ZCWPW2: variants seen among roughly 807,000 people sequenced by gnomAD.
The protein encoded by ZCWPW2 is zinc finger CW-type and PWWP domain containing 2.
In ZCWPW2, 45 loss-of-function variants were observed where a neutral mutation model predicts 46.6. The ratio of observed to expected loss-of-function variants is 0.96; its 90% confidence interval spans 0.76 to 1.24. The LOEUF (loss-of-function observed/expected upper bound fraction) is 1.24. Among genes scored for constraint, ZCWPW2 ranks in the 50% most tolerant of loss-of-function variants. ZCWPW2 has a pLI of 0.00. For synonymous variants in ZCWPW2, 152 were observed against 137.1 expected (o/e 1.11, Z -0.76); for missense variants, 429 against 403.9 (o/e 1.06, Z -0.53).
At chr3:28,521,211 A>G (rs1324832796) in intron 9 of ZCWPW2, 95 bp downstream of exon 9, 1 of 1,356,116 alleles carries the variant, frequency 7.4e-7, no homozygotes, top group Non-Finnish European at 9.7e-7. Context: ...TATATAAAAA[A>G]CTCTTTTCAT....
At chr3:28,426,130 T>A (rs1056490257) in intron 3 of ZCWPW2, among the ~76,000 whole-genome samples, 1 of 151,540 alleles carries the variant, frequency 6.6e-6, no homozygotes. Context: ...TATATTTATA[T>A]ATATATATGT....
At chr3:28,349,273 T>G (rs866098392) in intron 1 of ZCWPW2, 70 bp downstream of exon 1, 11 of 906,194 alleles carry the variant, frequency 1.2e-5, no homozygotes, top group Middle Eastern at 1.1e-3. Context: ...CTGGTGCGTC[T>G]TTTTCACTCA....
chr3:28,370,334 T>C (rs1657913310), intron 1 of ZCWPW2, among the ~76,000 whole-genome samples: 1 of 152,212 alleles, frequency 6.6e-6, no homozygotes, highest in Non-Finnish European at 1.5e-5. Flanking sequence ...ATAACAACCC[T>C]AAACTGGAGA....
chr3:28,487,762 G>C (rs988697203), intron 5 of ZCWPW2, among the ~76,000 whole-genome samples: 1 of 152,122 alleles, frequency 6.6e-6, no homozygotes, highest in East Asian at 1.9e-4. Context: ...GGGAGGGAAA[G>C]CATTCTATGT....
intron 1 of ZCWPW2, among the ~76,000 whole-genome samples, chr3:28,354,568 C>A (rs1369271759): frequency 1.7e-5 from 2 of 121,014 alleles, no homozygotes; most frequent in African/African-American, 3.0e-5. Flanking sequence ...AATTTTAGAC[C>A]AATATCCCTG....
At chr3:28,406,740 C>T (rs1436111621) in intron 2 of ZCWPW2, among the ~76,000 whole-genome samples, 18 of 151,970 alleles carry the variant, frequency 1.2e-4, no homozygotes, top group Admixed American at 1.0e-3. Flanking sequence ...CTTTGCTTCC[C>T]TTAAAAAGTG....
At chr3:28,512,873 C>T (rs1261121427) in intron 6 of ZCWPW2, among the ~76,000 whole-genome samples, 1 of 151,478 alleles carries the variant, frequency 6.6e-6, no homozygotes, top group African/African-American at 2.4e-5. Flanking sequence ...CATTTTAACC[C>T]TTTAATAACT....
At chr3:28,452,169 G>A (rs1047486174) in intron 4 of ZCWPW2, among the ~76,000 whole-genome samples, 1 of 152,164 alleles carries the variant, frequency 6.6e-6, no homozygotes, top group Non-Finnish European at 1.5e-5. Flanking sequence ...GGTTAAAAAG[G>A]CAGACTCTAG....
chr3:28,508,139 C>T (rs994453718), intron 6 of ZCWPW2, among the ~76,000 whole-genome samples: 5 of 152,060 alleles, frequency 3.3e-5, no homozygotes, highest in African/African-American at 1.2e-4. Flanking sequence ...AACAACCAAC[C>T]GTAGTGAGAA....
intron 4 of ZCWPW2, among the ~76,000 whole-genome samples, chr3:28,453,538 A>G (rs575850741): frequency 2.0e-4 from 31 of 152,130 alleles, no homozygotes; most frequent in African/African-American, 6.5e-4. Flanking sequence ...AGCTTTCTCA[A>G]TTTTCTAAAA....
intron 5 of ZCWPW2, among the ~76,000 whole-genome samples, chr3:28,484,316 C>G (rs75314845): frequency 6.6e-6 from 1 of 152,046 alleles, no homozygotes; most frequent in Non-Finnish European, 1.5e-5. Context: ...GAAGTACTTT[C>G]TCTGCTTATA....
chr3:28,429,885 GT>G (rs1416630487), intron 3 of ZCWPW2, among the ~76,000 whole-genome samples: 1 of 152,190 alleles, frequency 6.6e-6, no homozygotes, highest in Non-Finnish European at 1.5e-5. Context: ...AAGAATTGAA[GT>G]TTCAGAACCT....
intron 6 of ZCWPW2, among the ~76,000 whole-genome samples, chr3:28,495,599 G>C (rs1259587192): frequency 6.6e-6 from 1 of 151,928 alleles, no homozygotes; most frequent in Admixed American, 6.6e-5. Flanking sequence ...GAACTTGTAT[G>C]GTAATTTGAT....
At chr3:28,472,217 A>G (rs1304665699) in intron 4 of ZCWPW2, among the ~76,000 whole-genome samples, 1 of 152,184 alleles carries the variant, frequency 6.6e-6, no homozygotes, top group Non-Finnish European at 1.5e-5. Context: ...AGAAATAGAA[A>G]AAAAGAGTCC....
At chr3:28,423,658 G>A (rs1376942549) in intron 3 of ZCWPW2, among the ~76,000 whole-genome samples, 16 of 151,998 alleles carry the variant, frequency 1.1e-4, no homozygotes, top group East Asian at 5.8e-4. Context: ...GAGCCACTGC[G>A]CCCGGCCCCT....
rs6762982 is a variant in ZCWPW2, at chr3:28,526,197, A to G, written c.*1509A>G. ...CTTCTGTTTACTCTTTGCAAAGAGA[A>G]CCAAGTATGTGTTTAAATATATTGC... On this transcript the variant is annotated 3_prime_UTR_variant, in exon 10 of 10. Coordinates refer to ENST00000383768, the MANE Select transcript of ZCWPW2 (RefSeq NM_001040432.4). Among the ~76,000 whole-genome samples, 30,103 of 152,142 alleles carry G rather than the reference A, an allele frequency of 0.2. 3,331 individuals are homozygous for G. The highest frequency in any genetic ancestry group is 0.49 in the East Asian group (2,526 of 5,172).
chr3:28,491,803 A>G (rs183036201), intron 5 of ZCWPW2, among the ~76,000 whole-genome samples: 79 of 152,242 alleles, frequency 5.2e-4, no homozygotes, highest in African/African-American at 1.8e-3. Flanking sequence ...TCTAGATCCT[A>G]TATACTCCAG....
At chr3:28,401,910 G>T (rs1392400330) in intron 2 of ZCWPW2, among the ~76,000 whole-genome samples, 1 of 151,754 alleles carries the variant, frequency 6.6e-6, no homozygotes, top group Non-Finnish European at 1.5e-5. Context: ...AAACCTCTGG[G>T]ATACAGCAAA....
chr3:28,351,297 T>G (rs559340781), intron 1 of ZCWPW2, among the ~76,000 whole-genome samples: 10 of 150,380 alleles, frequency 6.6e-5, no homozygotes, highest in Non-Finnish European at 8.9e-5. Context: ...CTTCTCCACT[T>G]TTTTCCACCC....
Sources: allele counts gnomAD v4.1 joint callset (sites outside exome capture counted in the v4.1 genomes callset), GRCh38; gene constraint gnomAD v4.1.1; transcripts MANE v1.5; gene names NCBI Gene and HGNC (gene_info 2026-07-23, HGNC 2026-07-21).